The following HTR7 variants were observed in gnomAD, a reference collection of about 807,000 sequenced individuals.
The protein encoded by HTR7 is 5-hydroxytryptamine receptor 7.
HTR7 carries 16 observed loss-of-function variants against 34.0 expected under a neutral mutation model. The observed-to-expected ratio is 0.47, with a 90% CI of 0.32 to 0.71. The LOEUF (loss-of-function observed/expected upper bound fraction) is 0.71, where lower values mean the gene tolerates loss of function less well. Ranked by LOEUF, HTR7 falls within the 30% of genes least tolerant of loss-of-function variation. The pLI is 0.04. For missense variants in HTR7, 504 were observed against 625.5 expected, an observed-to-expected ratio of 0.81 and a Z score of 2.07; for synonymous variants, 265 against 260.2, an observed-to-expected ratio of 1.02 and a Z score of -0.18.
chr10:90,815,699 A>T (rs896349245), intron 1 of HTR7, among the ~76,000 whole-genome samples: 2 of 152,150 alleles, frequency 1.3e-5, no homozygotes, highest in African/African-American at 4.8e-5. Context: ...AAACCTGCAC[A>T]TCCTGCATAT....
intron 1 of HTR7, among the ~76,000 whole-genome samples, chr10:90,822,414 C>T (rs1309795066): frequency 1.1e-4 from 16 of 152,148 alleles, no homozygotes; most frequent in Admixed American, 9.8e-4. Context: ...GGGTATCTGG[C>T]AGAAGAAATT....
chr10:90,746,583 A>G (rs1844639805), intron 2 of HTR7, among the ~76,000 whole-genome samples: 1 of 152,198 alleles, frequency 6.6e-6, no homozygotes, highest in East Asian at 1.9e-4. Flanking sequence ...TGTGCTAAAA[A>G]ATGCTGCAGC....
chr10:90,793,536 CAA>C (rs34846867), intron 1 of HTR7, among the ~76,000 whole-genome samples: 5 of 132,778 alleles, frequency 3.8e-5, no homozygotes, highest in Admixed American at 7.6e-5. Context: ...TAAGAAAGCT[CAA>C]AAAAAAAAAA....
At chr10:90,848,058 C>T (rs1161804367) in intron 1 of HTR7, among the ~76,000 whole-genome samples, 2 of 138,326 alleles carry the variant, frequency 1.4e-5, no homozygotes, top group African/African-American at 5.8e-5. Context: ...AGCAATCACT[C>T]TCTCTTTGTT....
At chr10:90,773,332 T>C (rs1845148373) in intron 1 of HTR7, among the ~76,000 whole-genome samples, 1 of 152,146 alleles carries the variant, frequency 6.6e-6, no homozygotes, top group African/African-American at 2.4e-5. Context: ...TTTTTTATTA[T>C]TGTGGGTACA....
chr10:90,857,779 T>C lies in HTR7; in HGVS notation c.-108A>G. 1.7e-6 allele frequency: 2 copies of C among 1,158,332 alleles called. No homozygotes were observed. The highest frequency in any genetic ancestry group is 2.2e-6 in the Non-Finnish European group (2 of 893,742). The allele number at this position is 1,158,332 out of a possible 1,614,324, so 71.8% of individuals were successfully genotyped here. A position where few individuals can be genotyped will look rare whatever the true frequency, so the allele number is the denominator to read the frequency against. On this transcript the variant is annotated 5_prime_UTR_variant, in exon 1 of 4. An upstream start codon of the reference 5' UTR is lost. Transcript: ENST00000336152. The surrounding 1 kb of genome is among the most constrained non-coding windows in gnomAD (Gnocchi z 6.5). ...GGTTCCGCTCCGCCCGGCCCAGCCA[T>C]GGGGCCCGCGCCGACCGCTGGGGGG... is the stretch of plus-strand genomic sequence containing the variant.
intron 1 of HTR7, among the ~76,000 whole-genome samples, chr10:90,821,221 G>A (rs1365321035): frequency 6.6e-6 from 1 of 151,970 alleles, no homozygotes; most frequent in African/African-American, 2.4e-5. Flanking sequence ...TCATATCACT[G>A]AAAGAGGCAC....
intron 1 of HTR7, among the ~76,000 whole-genome samples, chr10:90,832,491 C>T (rs372651891): frequency 4.1e-4 from 63 of 152,308 alleles, no homozygotes; most frequent in East Asian, 1.6e-3. Context: ...GCCAAGCCCA[C>T]GCCCACCCGG....
chr10:90,778,828 T>C (rs1845263561), intron 1 of HTR7, among the ~76,000 whole-genome samples: 1 of 152,228 alleles, frequency 6.6e-6, no homozygotes, highest in South Asian at 2.1e-4. Flanking sequence ...TGTGATCTGC[T>C]TCTACCTCTA....
At chr10:90,798,558 T>TA (rs200264398) in intron 1 of HTR7, among the ~76,000 whole-genome samples, 2,465 of 152,096 alleles carry the variant, frequency 0.016, 79 homozygotes, top group African/African-American at 0.055. Context: ...TCTACAAAAC[T>TA]AAAAAAATTT....
intron 1 of HTR7, among the ~76,000 whole-genome samples, chr10:90,813,021 T>C (rs1256174852): frequency 6.6e-6 from 1 of 152,166 alleles, no homozygotes; most frequent in Non-Finnish European, 1.5e-5. Flanking sequence ...TCCTGGCTCA[T>C]CCTGGCTCAA....
chr10:90,744,727 G>A (rs1841612464), intron 2 of HTR7, among the ~76,000 whole-genome samples: 1 of 152,090 alleles, frequency 6.6e-6, no homozygotes. Flanking sequence ...CAGAGAGTTG[G>A]GATGGGAGGC....
intron 1 of HTR7, among the ~76,000 whole-genome samples, chr10:90,789,668 A>T (rs1845435710): frequency 6.6e-6 from 1 of 152,166 alleles, no homozygotes; most frequent in African/African-American, 2.4e-5. Flanking sequence ...GATTGCATAA[A>T]ATCAGCCACA....
intron 1 of HTR7, among the ~76,000 whole-genome samples, chr10:90,756,762 T>C (rs1019673874): frequency 6.6e-6 from 1 of 152,100 alleles, no homozygotes; most frequent in African/African-American, 2.4e-5. Context: ...AATTCATATA[T>C]TATATTTGTT....
At chr10:90,849,212 T>C (rs904812357) in intron 1 of HTR7, among the ~76,000 whole-genome samples, 3 of 152,230 alleles carry the variant, frequency 2.0e-5, no homozygotes, top group Non-Finnish European at 2.9e-5. Context: ...TTAGGGTGTA[T>C]GTATTTTTAA....
chr10:90,749,298 G>A lies in HTR7; in HGVS notation c.836C>T (p.Pro279Leu), dbSNP rs114969659. Residue 279 changes from proline (P) to leucine (L), a missense_variant, in exon 2 of 4, where the codon CCT becomes CTT. By Grantham distance (98) the Pro-to-Leu change is moderately conservative (BLOSUM62 -3). This residue lies in a region of HTR7 where 57 missense variants were observed against 47.5 expected (regional missense o/e 1.20). Coordinates refer to ENST00000336152, the MANE Select transcript of HTR7 (RefSeq NM_019859.4). The surrounding 1 kb of genome is among the most constrained non-coding windows in gnomAD (Gnocchi z 4.2). ...GATGACGCTGTCTGGCTCCACTCGA[G>A]GGAAGCCAGGAAACTTGTGTTTGGC... Reference protein sequence around the residue: ...SAAKHKFPGFPRVEPDSVIAL... With the variant: ...SAAKHKFPGFLRVEPDSVIAL... 4,467 of 1,614,116 alleles carry A rather than the reference G, an allele frequency of 2.8e-3. 7 individuals are homozygous for A. The highest frequency in any genetic ancestry group is 3.2e-3 in the Non-Finnish European group (3,831 of 1,180,016).
At chr10:90,839,327 G>A (rs1463962995) in intron 1 of HTR7, among the ~76,000 whole-genome samples, 4 of 152,116 alleles carry the variant, frequency 2.6e-5, no homozygotes, top group African/African-American at 4.8e-5. Context: ...AAATATTCAG[G>A]CAACTGGACC....
At chr10:90,804,078 G>GAGCAACTGAGCATC (rs1845667992) in intron 1 of HTR7, among the ~76,000 whole-genome samples, 2 of 152,148 alleles carry the variant, frequency 1.3e-5, no homozygotes, top group Admixed American at 1.3e-4. Flanking sequence ...AGATGAGAAG[G>GAGCAACTGAGCATC]AGCAACTGAG....
chr10:90,823,049 T>G (rs992230863), intron 1 of HTR7, among the ~76,000 whole-genome samples: 1 of 152,246 alleles, frequency 6.6e-6, no homozygotes. Context: ...AAAGCCCTCA[T>G]GGAGAACCCC....
Sources: gnomAD v4.1 joint callset for allele counts (sites outside exome capture counted in the v4.1 genomes callset) on GRCh38, gnomAD v4.1.1 for gene constraint, gnomAD v4.1.1 regional missense constraint, Gnocchi (gnomAD v3.1) non-coding constraint, MANE v1.5 for transcripts, NCBI Gene and HGNC (gene_info 2026-07-23, HGNC 2026-07-21) for gene names.